LPAR6: variants seen among roughly 807,000 people sequenced by gnomAD.
LPAR6 encodes G-protein coupled purinergic receptor P2Y5.
Under a neutral mutation model 22.0 loss-of-function variants are expected in LPAR6, and 17 were observed. The observed-to-expected ratio is 0.77, with a 90% confidence interval of 0.53 to 1.16. The LOEUF (loss-of-function observed/expected upper bound fraction) is 1.16. Among genes scored for constraint, LPAR6 ranks in the 50% most tolerant of loss-of-function variants. LPAR6 has a pLI of 0.00. For synonymous variants in LPAR6, 136 were observed against 139.8 expected (o/e 0.97, Z 0.19); for missense variants, 384 against 406.9 (o/e 0.94, Z 0.48).
At chr13:48,409,000 G>A (rs1948764480), downstream of LPAR6, among the ~76,000 whole-genome samples, 1 of 152,054 alleles carries the variant, frequency 6.6e-6, no homozygotes, top group Non-Finnish European at 1.5e-5. Context: ...TTAAGAAAGA[G>A]TGTATTTTTA....
In LPAR6 at chr13:48,412,736, G is replaced by T; in HGVS notation, c.-313C>A. 2.7e-6 allele frequency: 1 copy of T among 375,692 alleles called. No homozygotes were observed. Among genetic ancestry groups the T allele is most frequent in the South Asian group, 2.9e-5 (1 of 34,946 alleles). 23.3% of individuals were successfully genotyped at this position (375,692 alleles called of 1,614,324 possible). ...TACAGTCAACGAGTCCAACCCATAG[G>T]ATTATAAATTTAAAGAAAAGCTGTG... On this transcript the variant is annotated 5_prime_UTR_variant, in exon 1 of 1. Coordinates refer to ENST00000620633, the MANE Select transcript of LPAR6 (RefSeq NM_001162498.3).
downstream of LPAR6, among the ~76,000 whole-genome samples, chr13:48,406,189 G>C (rs942100633): frequency 5.9e-5 from 9 of 151,834 alleles, no homozygotes; most frequent in African/African-American, 2.2e-4. Context: ...AGAATGCTGG[G>C]TCAAAGGGTT....
intron 1 of LPAR6, among the ~76,000 whole-genome samples, chr13:48,400,228 T>G (rs966563478): frequency 2.0e-5 from 3 of 152,116 alleles, no homozygotes; most frequent in Admixed American, 1.3e-4. Flanking sequence ...GTAATGTTTT[T>G]GCATATGTCC....
intron 1 of LPAR6, among the ~76,000 whole-genome samples, chr13:48,424,331 T>C (rs1949049701): frequency 1.3e-5 from 2 of 152,226 alleles, no homozygotes; most frequent in Admixed American, 6.5e-5. Context: ...TAATACTTTA[T>C]GTTACTTTTT....
chr13:48,426,997 G>T (rs1325401997), upstream of LPAR6: 1 of 152,820 alleles, frequency 6.5e-6, no homozygotes, highest in East Asian at 1.9e-4. Context: ...AGAGGAAGGA[G>T]GAGGTCCCAT....
chr13:48,440,114 A>G (rs2138303410), intron 1 of LPAR6, among the ~76,000 whole-genome samples: 1 of 152,256 alleles, frequency 6.6e-6, no homozygotes, highest in African/African-American at 2.4e-5. Context: ...TTTTGGGTAT[A>G]TCAAAATCTT....
upstream of LPAR6, among the ~76,000 whole-genome samples, chr13:48,415,366 G>A (rs1948890994): frequency 6.7e-6 from 1 of 150,342 alleles, no homozygotes; most frequent in Non-Finnish European, 1.5e-5. Flanking sequence ...TGCAACCTCT[G>A]CCTCCCAGGT....
At chr13:48,395,699 A>T (rs1483377960) in intron 1 of LPAR6, among the ~76,000 whole-genome samples, 1 of 152,174 alleles carries the variant, frequency 6.6e-6, no homozygotes, top group Non-Finnish European at 1.5e-5. Context: ...ATGAAAAGGA[A>T]TGAACAAAGC....
downstream of LPAR6, among the ~76,000 whole-genome samples, chr13:48,407,124 C>T (rs1005277749): frequency 2.0e-5 from 3 of 152,156 alleles, no homozygotes; most frequent in Admixed American, 6.5e-5. Context: ...TTAACTGTAA[C>T]GCTGCTGTAA....
downstream of LPAR6, among the ~76,000 whole-genome samples, chr13:48,409,712 C>T (rs1464712940): frequency 1.3e-5 from 2 of 150,506 alleles, no homozygotes; most frequent in Admixed American, 6.7e-5. Flanking sequence ...TCCCGAGTAG[C>T]TGGGACTACA....
chr13:48,441,896 AT>A (rs1352559990), intron 1 of LPAR6, among the ~76,000 whole-genome samples: 1 of 152,174 alleles, frequency 6.6e-6, no homozygotes, highest in Non-Finnish European at 1.5e-5. Context: ...GGACCTATTT[AT>A]TCACTTGTTT....
At chr13:48,392,777 G>A (rs564303582) in intron 1 of LPAR6, among the ~76,000 whole-genome samples, 1 of 151,356 alleles carries the variant, frequency 6.6e-6, no homozygotes, top group South Asian at 2.1e-4. Context: ...TTTTTTTTAA[G>A]AGTCGTATGT....
intron 1 of LPAR6, among the ~76,000 whole-genome samples, chr13:48,441,959 GC>G (rs2138308628): frequency 6.6e-6 from 1 of 152,180 alleles, no homozygotes; most frequent in East Asian, 1.9e-4. Flanking sequence ...ATAATTTGAT[GC>G]CTTGTCACTT....
chr13:48,394,216 C>G (rs767029806), intron 1 of LPAR6, among the ~76,000 whole-genome samples: 15 of 152,176 alleles, frequency 9.9e-5, no homozygotes, highest in Non-Finnish European at 1.5e-4. Flanking sequence ...CATTGCATTC[C>G]AGCCCAGATA....
chr13:48,409,570 ATTTTTTTTTTTT>A (rs5803435), downstream of LPAR6, among the ~76,000 whole-genome samples: 5 of 59,694 alleles, frequency 8.4e-5, no homozygotes, highest in African/African-American at 2.6e-4. Flanking sequence ...GAACTGCTTG[ATTTTTTTTTTTT>A]TTTTTTTTTT....
At chr13:48,419,576 CA>C (rs1171697484) in intron 2 of LPAR6, among the ~76,000 whole-genome samples, 1 of 151,916 alleles carries the variant, frequency 6.6e-6, no homozygotes, top group Admixed American at 6.6e-5. Context: ...AAAAACCCTT[CA>C]AAAAATCAAT....
chr13:48,396,554 A>G (rs1039440665), intron 1 of LPAR6, among the ~76,000 whole-genome samples: 6 of 152,184 alleles, frequency 3.9e-5, no homozygotes, highest in Non-Finnish European at 7.3e-5. Context: ...CTAGAAGAAA[A>G]CCTAGGCAAT....
chr13:48,414,801 C>T (rs1593488911), upstream of LPAR6, among the ~76,000 whole-genome samples: 2 of 152,116 alleles, frequency 1.3e-5, no homozygotes, highest in South Asian at 4.1e-4. Context: ...ATGAGTATTA[C>T]TTATAACCAA....
chr13:48,389,776 C>T (rs554646670), exon 2 of LPAR6: 4 of 152,352 alleles, frequency 2.6e-5, no homozygotes, highest in African/African-American at 9.6e-5. Flanking sequence ...TCCTCCCTCC[C>T]TAGAGTGGTT....
Sources: gnomAD v4.1 joint callset for allele counts (sites outside exome capture counted in the v4.1 genomes callset) on GRCh38, gnomAD v4.1.1 for gene constraint, MANE v1.5 for transcripts, NCBI Gene and HGNC (gene_info 2026-07-23, HGNC 2026-07-21) for gene names.